AP5Z1: variants seen among roughly 807,000 people sequenced by gnomAD.
The protein encoded by AP5Z1 is adaptor related protein complex 5 subunit zeta 1, also known as AP-5 complex subunit zeta-1.
A neutral mutation model predicts 83.0 loss-of-function variants in AP5Z1; 106 were observed. The observed-to-expected ratio is 1.28, with a 90% CI of 1.09 to 1.50. The LOEUF is 1.50. Ranked by LOEUF, AP5Z1 falls within the 40% of genes most tolerant of loss-of-function variation. AP5Z1 has a pLI of 0.00. For missense variants in AP5Z1, 1,565 were observed against 1,094.2 expected, an observed-to-expected ratio of 1.43 and a Z score of -6.07; for synonymous variants, 751 against 514.1, an observed-to-expected ratio of 1.46 and a Z score of -6.23.
In AP5Z1 at chr7:4,784,998, G is replaced by T; in HGVS notation, c.881G>T (p.Arg294Leu). 6.2e-7 allele frequency: 1 copy of T among 1,611,758 alleles called. No individual in the cohort carries two copies. Among genetic ancestry groups the T allele is most frequent in the Non-Finnish European group, 8.5e-7 (1 of 1,179,332 alleles). ...GRLLPPRERL[R>L]EVAFEYCQRL... ...CTGCTGCCGCCCCGGGAGCGGCTTCGGGAGGTGGCCTTCGAGTACTGCCAG... is the reference window on the plus strand; with the variant it reads ...CTGCTGCCGCCCCGGGAGCGGCTTCTGGAGGTGGCCTTCGAGTACTGCCAG... Residue 294 changes from arginine (R) to leucine (L), a missense_variant, in exon 7 of 17, where the codon CGG becomes CTG. Transcript: ENST00000649063.
rs750938250 is a variant in AP5Z1 at position 4,783,726 on chromosome 7, G to C, written c.549G>C (p.Trp183Cys). Residue 183 changes from tryptophan to cysteine, a missense_variant, in exon 5 of 17, where the codon TGG becomes TGC. Physicochemically the swap from Trp to Cys is radical, Grantham distance 215. Transcript: ENST00000649063. ...TGCTCAGCAAGCGGCTGGTCGACTG[G>C]CTGCGCTACGCCAGCCTCCAGCAAG... ...ATLLSKRLVD[W>C]LRYASLQQGL... is the part of the protein sequence containing the mutation. The C allele has an allele frequency of 3.9e-6, 6 of 1,550,468 alleles. No individual in the cohort carries two copies. In the South Asian group the frequency reaches 7.1e-5, roughly 18 times the overall value.
intron 7 of AP5Z1, 116 bp from the exon 8 acceptor site, chr7:4,785,299 C>G (rs1483857182): frequency 5.0e-6 from 7 of 1,400,564 alleles, no homozygotes; most frequent in Non-Finnish European, 6.7e-6. Context: ...CTCCTGGGGG[C>G]CTGTCCCACC....
chr7:4,790,418 A>C, intron 14 of AP5Z1, 41 bp from the exon 15 acceptor site: 1 of 1,612,292 alleles, frequency 6.2e-7, no homozygotes, highest in Middle Eastern at 1.6e-4. Flanking sequence ...ATGGGGTCAT[A>C]GGTCTGCACA....
intron 7 of AP5Z1, 98 bp from the exon 8 acceptor site, chr7:4,785,317 T>A: frequency 6.7e-7 from 1 of 1,491,560 alleles, no homozygotes; most frequent in African/African-American, 1.4e-5. Context: ...ACCCCCCTGC[T>A]CCCGGTCCTG....
chr7:4,786,673 G>T (rs1024862404), intron 10 of AP5Z1, among the ~76,000 whole-genome samples: 41 of 152,178 alleles, frequency 2.7e-4, no homozygotes, highest in African/African-American at 9.9e-4. Context: ...ACACAAGACG[G>T]TGAGTTTGTT....
chr7:4,775,753 C>T lies in AP5Z1; in HGVS notation c.38C>T (p.Ala13Val). Residue 13 changes from alanine to valine, a missense_variant, in exon 1 of 17, where the codon GCC becomes GTC. Physicochemically the swap from Ala to Val is moderately conservative, Grantham distance 64. Coordinates refer to ENST00000649063, the MANE Select transcript of AP5Z1 (RefSeq NM_014855.3). ...GGAGCGGAGAGTTTGCTCCACCAGG[C>T]CAGGTACGGGGGAGCTGCGGCCCCG... ...SAGAESLLHQ[A>V]REIQDEELKK... is the part of the protein sequence containing the mutation. 6.2e-7 allele frequency: 1 copy of T among 1,604,996 alleles called. No homozygotes were observed.
At chr7:4,790,420 G>T (rs1336187320) in intron 14 of AP5Z1, 39 bp from the exon 15 acceptor site, 1 of 1,612,366 alleles carries the variant, frequency 6.2e-7, no homozygotes, top group Admixed American at 1.7e-5. Flanking sequence ...GGGGTCATAG[G>T]TCTGCACAGA....
intron 10 of AP5Z1, among the ~76,000 whole-genome samples, chr7:4,787,341 C>T (rs1432831028): frequency 1.3e-5 from 2 of 152,022 alleles, no homozygotes; most frequent in Non-Finnish European, 2.9e-5. Flanking sequence ...AAGTAAACAG[C>T]CTCACATGGT....
rs535418327 is a variant in AP5Z1, at chr7:4,789,982, C to T, written c.1805+53C>T. 1.6e-4 allele frequency: 207 copies of T among 1,329,438 alleles called. 2 individuals are homozygous for T. The South Asian group carries it at 3.0e-3, about 19-fold the overall frequency. 82.4% of individuals were successfully genotyped at this position (1,329,438 alleles called of 1,614,324 possible). A position where few individuals can be genotyped will look rare whatever the true frequency, so the allele number is the denominator to read the frequency against. On this transcript the variant is annotated intron_variant, in intron 14 of 16. Transcript: ENST00000649063. ...GCCCTGGGCGGGTGCCTCCTGGACT[C>T]CTCCCCCTCTCCCCTCCCCCCTCCC...
chr7:4,780,739 C>T (rs1033241554), intron 1 of AP5Z1, among the ~76,000 whole-genome samples: 1 of 152,090 alleles, frequency 6.6e-6, no homozygotes, highest in Non-Finnish European at 1.5e-5. Flanking sequence ...ATATTCCAGC[C>T]CGGGTGACAG....
intron 4 of AP5Z1, 55 bp downstream of exon 4, chr7:4,783,515 C>G: frequency 2.5e-6 from 4 of 1,593,326 alleles, no homozygotes; most frequent in Non-Finnish European, 3.4e-6. Context: ...CAGGTCCTTC[C>G]CTGAGGGCCC....
At chr7:4,777,446 G>A (rs1378188674) in intron 1 of AP5Z1, among the ~76,000 whole-genome samples, 2 of 151,940 alleles carry the variant, frequency 1.3e-5, no homozygotes, top group Admixed American at 6.6e-5. Context: ...GGAGTACAAT[G>A]GCGCAATCTC....
chr7:4,784,363 T>G lies in AP5Z1; in HGVS notation c.782T>G (p.Leu261Arg), dbSNP rs771584271. Residue 261 changes from leucine to arginine, a missense_variant, in exon 6 of 17, where the codon CTG becomes CGG. By Grantham distance (102) the Leu-to-Arg change is moderately radical (BLOSUM62 -2). Transcript: ENST00000649063. ...LHSGPEGPGT[L>R]DTDDRSEQEG... is the part of the protein sequence containing the mutation. ...AGCGGCCCCGAGGGCCCGGGCACCC[T>G]GGACACAGGTGTGCGGGGTGGGGGG... The G allele has an allele frequency of 9.0e-6, 14 of 1,547,414 alleles. No homozygotes were observed. The South Asian group carries it at 1.6e-4, about 18-fold the overall frequency.
intron 1 of AP5Z1, among the ~76,000 whole-genome samples, 169 bp from the exon 2 acceptor site, chr7:4,781,006 T>G (rs1355191559): frequency 6.6e-6 from 1 of 152,164 alleles, no homozygotes; most frequent in African/African-American, 2.4e-5. Context: ...AGGAACCAGC[T>G]CAGGGAATCA....
chr7:4,783,948 GC>G, intron 5 of AP5Z1, 150 bp downstream of exon 5: 1 of 961,686 alleles, frequency 1.0e-6, no homozygotes, highest in Non-Finnish European at 1.5e-6. Context: ...GTCAGGCAGG[GC>G]CACAGCCCCC....
Position 4,785,502 on chromosome 7 carries a change from AT to A in AP5Z1, c.970-19del. The A allele has an allele frequency of 6.2e-7, 1 of 1,613,304 alleles. No individual in the cohort carries two copies. The highest frequency in any genetic ancestry group is 8.5e-7 in the Non-Finnish European group (1 of 1,179,688). ...GGGAGGCAGCGACTCGGCCCATTTG[AT>A]GTGGTCCATGTCCCGCAGTGCCTGG... On this transcript the variant is annotated intron_variant, in intron 8 of 16. Transcript: ENST00000649063.
At position 4,785,624 on chromosome 7, in the gene AP5Z1, C is replaced by T. The variant is rs551568063; in HGVS notation, c.1072C>T (p.Arg358Cys). The T allele has an allele frequency of 1.1e-4, 172 of 1,574,282 alleles. 1 individual carries two copies. The South Asian group carries it at 1.7e-3, about 15-fold the overall frequency. The change falls in exon 9 of 17, where the codon CGC becomes TGC. Residue 358 changes from arginine to cysteine, a missense_variant. Coordinates refer to ENST00000649063, the MANE Select transcript of AP5Z1 (RefSeq NM_014855.3). ...CCTGAAGGCCCTGCACGGGCGGGTG[C>T]GCGGGGACCCGGCCTCTGTGCGGGT... ...SCLKALHGRVRGDPASVRVLL... is the reference protein window; with the variant it reads ...SCLKALHGRVCGDPASVRVLL...
At chr7:4,782,738 T>C (rs1316891648) in intron 3 of AP5Z1, among the ~76,000 whole-genome samples, 2 of 151,858 alleles carry the variant, frequency 1.3e-5, no homozygotes, top group Non-Finnish European at 2.9e-5. Context: ...ACAAGATGAC[T>C]CCGGCTCTTC....
intron 5 of AP5Z1, 53 bp downstream of exon 5, chr7:4,783,851 T>C (rs1010669607): frequency 1.3e-5 from 20 of 1,502,670 alleles, no homozygotes; most frequent in Non-Finnish European, 1.8e-5. Context: ...AGACAACCCC[T>C]CCCTGAGAGC....
Sources: allele counts gnomAD v4.1 joint callset (sites outside exome capture counted in the v4.1 genomes callset), GRCh38; gene constraint gnomAD v4.1.1; transcripts MANE v1.5; gene names NCBI Gene and HGNC (gene_info 2026-07-23, HGNC 2026-07-21).